RPTN: variants seen among roughly 807,000 people sequenced by gnomAD.
RPTN encodes repetin, also known as intermediate filament-associated protein.
RPTN carries 4 observed loss-of-function variants against 3.6 expected under a neutral mutation model. That is an observed-to-expected ratio of 1.12 (90% confidence interval 0.55 to 2.55). The LOEUF is 2.55. RPTN is among the 30% of genes most tolerant of loss of function. RPTN has a pLI of 0.02. For missense variants in RPTN, 860 were observed against 916.7 expected (o/e 0.94, Z 0.80); for synonymous variants, 293 against 319.3 (o/e 0.92, Z 0.88).
rs1217107774 is a variant in RPTN, at chr1:152,155,595, G to A, written c.1504C>T (p.Pro502Ser). 6.3e-7 allele frequency: 1 copy of A among 1,576,864 alleles called. No individual in the cohort carries two copies. Among genetic ancestry groups the A allele is most frequent in the Admixed American group, 1.8e-5 (1 of 56,566 alleles). ...RQDQSYHYGQ[P>S]DGQGQSSHYG... The stretch of plus-strand genomic sequence containing the variant: ...TGGGAACTTTGGCCTTGTCCGTCTG[G>A]CTGACCATAATGATAACTCTGGTCT... The change falls in exon 3 of 3, where the codon CCA becomes TCA. Residue 502 changes from proline to serine, a missense_variant. Transcript: ENST00000316073.
rs747058434 is a variant in RPTN at position 152,156,279 on chromosome 1, A to G, written c.820T>C (p.Ser274Pro). ...QQKSGSYCGQ[S>P]ERLGQELGCG... ...CCTAATTCCTGACCTAGCCTCTCAG[A>G]CTGTCCACAATAAGAGCCTGATTTC... The change falls in exon 3 of 3, where the codon TCT becomes CCT. Residue 274 changes from serine (S) to proline (P), a missense_variant. Coordinates refer to ENST00000316073, the MANE Select transcript of RPTN (RefSeq NM_001122965.1). 1.2e-6 allele frequency: 2 copies of G among 1,614,196 alleles called. No homozygotes were observed. Among genetic ancestry groups the G allele is most frequent in the East Asian group, 2.2e-5 (1 of 44,880 alleles).
chr1:152,156,005 G>A lies in RPTN; in HGVS notation c.1094C>T (p.Ser365Phe). ...TTGTCTGTTTGGTTGACTGTAGTGG[G>A]AACCCTGGCCTTGTCTGTTTGTCTG... ...YDQTNRQGQG[S>F]HYSQPNRQGQ... The change falls in exon 3 of 3, where the codon TCC becomes TTC. Residue 365 changes from serine to phenylalanine, a missense_variant. By Grantham distance (155) the Ser-to-Phe change is radical. Coordinates refer to ENST00000316073, the MANE Select transcript of RPTN (RefSeq NM_001122965.1). 3 of 1,613,594 alleles carry A rather than the reference G, an allele frequency of 1.9e-6. No homozygotes were observed. Among genetic ancestry groups the A allele is most frequent in the Non-Finnish European group, 2.5e-6 (3 of 1,180,008 alleles).
rs1287338617 is a variant in RPTN, at chr1:152,155,014, C to G, written c.2085G>C (p.Gln695His). The G allele has an allele frequency of 6.2e-7, 1 of 1,613,878 alleles. No homozygotes were observed. Among genetic ancestry groups the G allele is most frequent in the Admixed American group, 1.7e-5 (1 of 60,004 alleles). The stretch of plus-strand genomic sequence containing the variant: ...AGTGGCTCAGCCCCTCACCATGACT[C>G]TGCCTGGTCTGGGCCTGTCTGTGGC... ...EQGHRQAQTR[Q>H]SHGEGLSHWA... is the part of the protein sequence containing the mutation. Residue 695 changes from glutamine to histidine, a missense_variant, in exon 3 of 3, where the codon CAG (glutamine) becomes CAC (histidine). Coordinates refer to ENST00000316073, the MANE Select transcript of RPTN (RefSeq NM_001122965.1).
chr1:152,155,139 C>A lies in RPTN; in HGVS notation c.1960G>T (p.Asp654Tyr). The A allele has an allele frequency of 6.2e-7, 1 of 1,614,172 alleles. No individual in the cohort carries two copies. The highest frequency in any genetic ancestry group is 2.2e-5 in the East Asian group (1 of 44,882). ...AGTTTGTGTTGGTGATGTTGGCTAT[C>A]CTCTTCAGGCTCCCATACCTGGTGG... ...NGHQVWEPEE[D>Y]SQHHQHKLLA... Residue 654 changes from aspartate (D) to tyrosine (Y), a missense_variant, in exon 3 of 3, where the codon GAT (aspartate) becomes TAT (tyrosine). By Grantham distance (160) the Asp-to-Tyr change is radical. Transcript: ENST00000316073.
rs762380946 is a variant in RPTN, at chr1:152,156,860, T to G, written c.239A>C (p.Gln80Pro). The G allele has an allele frequency of 1.9e-6, 3 of 1,614,100 alleles. No individual in the cohort carries two copies. Among genetic ancestry groups the G allele is most frequent in the Non-Finnish European group, 2.5e-6 (3 of 1,180,028 alleles). The change falls in exon 3 of 3, where the codon CAG becomes CCG. Residue 80 changes from glutamine to proline, a missense_variant. By Grantham distance (76) the Gln-to-Pro change is moderately conservative (BLOSUM62 -1). Transcript: ENST00000316073. The stretch of plus-strand genomic sequence containing the variant: ...CTTATGATAGCAGGCTTGGACCAAC[T>G]GGAACACCAACAAGAGGTACTCATG... ...DFHEYLLLVF[Q>P]LVQACYHKLD...
chr1:152,158,296 C>T (rs570514222), intron 1 of RPTN, among the ~76,000 whole-genome samples: 15 of 152,238 alleles, frequency 9.9e-5, no homozygotes, highest in South Asian at 2.1e-4. Context: ...GCATAATTTT[C>T]GACTAACAAC....
chr1:152,155,442 G>T lies in RPTN; in HGVS notation c.1657C>A (p.Gln553Lys). 5 of 1,613,458 alleles carry T rather than the reference G, an allele frequency of 3.1e-6. No homozygotes were observed. Among genetic ancestry groups the T allele is most frequent in the Non-Finnish European group, 4.2e-6 (5 of 1,179,808 alleles). ...QSSHYGQTDR[Q>K]GQSSHYGQTD... The stretch of plus-strand genomic sequence containing the variant: ...TGACCGTAGTGGGAACTCTGGCCTT[G>T]TCTGTCTGTCTGACCATAGTGGGAA... The change falls in exon 3 of 3, where the codon CAA becomes AAA. Residue 553 changes from glutamine to lysine, a missense_variant. Transcript: ENST00000316073.
rs375674338 is a variant in RPTN, at chr1:152,157,870, C to A, written c.20G>T (p.Ser7Ile). Residue 7 changes from serine (S) to isoleucine (I), a missense_variant, in exon 2 of 3, where the codon AGC (serine) becomes ATC (isoleucine). Transcript: ENST00000316073. MAQLLNSILSVIDVFHK... is the reference protein window; with the variant it reads MAQLLNIILSVIDVFHK... ...GAATACGTCAATCACACTGAGTATG[C>A]TATTCAGGAGTTGAGCCATTTTGAC... 20 of 1,613,700 alleles carry A rather than the reference C, an allele frequency of 1.2e-5. No homozygotes were observed. The highest frequency in any genetic ancestry group is 1.6e-5 in the Non-Finnish European group (19 of 1,179,830).
At position 152,155,747 on chromosome 1, in the gene RPTN, T is replaced by C. The variant is rs556217414; in HGVS notation, c.1352A>G (p.Tyr451Cys). The part of the protein sequence containing the change: ...QPDRQGQNSH[Y>C]GQTDRQGQSS... ...CTGGCCTTGTCTGTCTGTCTGACCA[T>C]AGTGGGAATTCTGGCCTTGTCTGTC... Residue 451 changes from tyrosine (Y) to cysteine (C), a missense_variant, in exon 3 of 3, where the codon TAT (tyrosine) becomes TGT (cysteine). Coordinates refer to ENST00000316073, the MANE Select transcript of RPTN (RefSeq NM_001122965.1). 100 of 1,591,312 alleles carry C rather than the reference T, an allele frequency of 6.3e-5. No homozygotes were observed. The African/African-American group carries it at 1.0e-3, about 17-fold the overall frequency.
At position 152,156,544 on chromosome 1, in the gene RPTN, A is replaced by G. The variant is rs751901079; in HGVS notation, c.555T>C (p.Ser185=). The G allele has an allele frequency of 2.5e-6, 4 of 1,614,052 alleles. No individual in the cohort carries two copies. The South Asian group carries it at 4.4e-5, about 18-fold the overall frequency. The change falls in exon 3 of 3, where the codon TCT becomes TCC. Residue 185 remains serine, a synonymous_variant. Coordinates refer to ENST00000316073, the MANE Select transcript of RPTN (RefSeq NM_001122965.1). ...RQDRDSHHNQ[S]ERQDKDFSFD... is the part of the protein sequence containing the mutation. Reference sequence around the variant, plus strand: ...AGCTGAAATCCTTGTCTTGTCTCTCAGACTGATTGTGGTGAGAATCTCTGT... The same window carrying G: ...AGCTGAAATCCTTGTCTTGTCTCTCGGACTGATTGTGGTGAGAATCTCTGT...
rs1421788167 is a variant in RPTN, at chr1:152,155,910, G to A, written c.1189C>T (p.Gln397Ter). 1 of 1,613,860 alleles carries A rather than the reference G, an allele frequency of 6.2e-7. No homozygotes were observed. The highest frequency in any genetic ancestry group is 8.5e-7 in the Non-Finnish European group (1 of 1,179,932). ...TGACCATAGTGAGAACTTTGGTCTTGTCTGTCTGTCTGACCATAGTGAGAA... is the reference window on the plus strand; with the variant it reads ...TGACCATAGTGAGAACTTTGGTCTTATCTGTCTGTCTGACCATAGTGAGAA... ...QSSHYGQTDR[Q>*]DQSSHYGQTE... is the part of the protein sequence containing the mutation. Residue 397 changes from glutamine to a stop codon, truncating the protein, a stop_gained, in exon 3 of 3, where the codon CAA becomes TAA. Transcript: ENST00000316073. LOFTEE classifies it low-confidence loss of function (END_TRUNC).
Position 152,156,541 on chromosome 1 carries a change from C to G in RPTN, c.558G>C (p.Glu186Asp). ...CAAAGCTGAAATCCTTGTCTTGTCT[C>G]TCAGACTGATTGTGGTGAGAATCTC... ...QDRDSHHNQSERQDKDFSFDQ... is the reference protein window; with the variant it reads ...QDRDSHHNQSDRQDKDFSFDQ... The change falls in exon 3 of 3, where the codon GAG becomes GAC. Residue 186 changes from glutamate to aspartate, a missense_variant. Glu to Asp is a conservative substitution (Grantham distance 45). Coordinates refer to ENST00000316073, the MANE Select transcript of RPTN (RefSeq NM_001122965.1). 6.2e-7 allele frequency: 1 copy of G among 1,614,220 alleles called. No individual in the cohort carries two copies.
chr1:152,155,981 T>C lies in RPTN; in HGVS notation c.1118A>G (p.Gln373Arg), dbSNP rs574189458. 2.2e-5 allele frequency: 36 copies of C among 1,613,790 alleles called. No homozygotes were observed. Among genetic ancestry groups the C allele is most frequent in the Non-Finnish European group, 2.9e-5 (34 of 1,180,038 alleles). The change falls in exon 3 of 3, where the codon CAA (glutamine) becomes CGA (arginine). Residue 373 changes from glutamine to arginine, a missense_variant. By Grantham distance (43) the Gln-to-Arg change is conservative. Transcript: ENST00000316073. ...CTGACCATAGTGGGAACTCTGACCTTGTCTGTTTGGTTGACTGTAGTGGGA... is the reference window on the plus strand; with the variant it reads ...CTGACCATAGTGGGAACTCTGACCTCGTCTGTTTGGTTGACTGTAGTGGGA... Reference protein sequence around the residue: ...QGSHYSQPNRQGQSSHYGQPD... With the variant: ...QGSHYSQPNRRGQSSHYGQPD...
intron 1 of RPTN, among the ~76,000 whole-genome samples, 185 bp downstream of exon 1, chr1:152,158,999 T>C (rs756719092): frequency 6.6e-5 from 10 of 152,192 alleles, no homozygotes; most frequent in Non-Finnish European, 1.5e-4. Context: ...ATTTGCATTT[T>C]ACAGACACAG....
chr1:152,157,696 A>T, intron 2 of RPTN, 56 bp downstream of exon 2: 1 of 1,593,182 alleles, frequency 6.3e-7, no homozygotes, highest in Non-Finnish European at 8.6e-7. Flanking sequence ...ACCCTGGTGC[A>T]GGTGTCAGAG....
At position 152,156,537 on chromosome 1, in the gene RPTN, G is replaced by A; in HGVS notation, c.562C>T (p.Gln188Ter). The stretch of plus-strand genomic sequence containing the variant: ...TGATCAAAGCTGAAATCCTTGTCTT[G>A]TCTCTCAGACTGATTGTGGTGAGAA... ...RDSHHNQSER[Q>*]DKDFSFDQSE... Residue 188 changes from glutamine to a stop codon, truncating the protein, a stop_gained, in exon 3 of 3, where the codon CAA becomes TAA. Transcript: ENST00000316073. LOFTEE classifies it low-confidence loss of function (END_TRUNC). The A allele has an allele frequency of 6.2e-7, 1 of 1,614,186 alleles. No homozygotes were observed. The highest frequency in any genetic ancestry group is 8.5e-7 in the Non-Finnish European group (1 of 1,180,040).
chr1:152,158,048 G>A (rs746441603), intron 1 of RPTN, 139 bp from the exon 2 acceptor site: 3 of 648,102 alleles, frequency 4.6e-6, no homozygotes, highest in Non-Finnish European at 7.9e-6. Context: ...CCCCTTCCTT[G>A]CCCTGACTCA....
At chr1:152,157,218 A>T (rs894355558) in intron 2 of RPTN, among the ~76,000 whole-genome samples, 10 of 152,172 alleles carry the variant, frequency 6.6e-5, no homozygotes, top group African/African-American at 2.4e-4. Context: ...AATTTGATTC[A>T]TTTCAAAGTT....
Position 152,155,425 on chromosome 1 carries a change from G to A in RPTN, c.1674C>T (p.His558=), listed in dbSNP as rs750162551. 8.1e-6 allele frequency: 13 copies of A among 1,613,866 alleles called. No individual in the cohort carries two copies. The highest frequency in any genetic ancestry group is 1.7e-5 in the Admixed American group (1 of 59,972). The part of the protein sequence containing the change: ...GQTDRQGQSS[H]YGQTDRQGQS... Reference sequence around the variant, plus strand: ...GGCCTTGTCTGTCTGTCTGACCGTAGTGGGAACTCTGGCCTTGTCTGTCTG... The same window carrying A: ...GGCCTTGTCTGTCTGTCTGACCGTAATGGGAACTCTGGCCTTGTCTGTCTG... The change falls in exon 3 of 3, where the codon CAC becomes CAT. Residue 558 remains histidine (H), a synonymous_variant. Coordinates refer to ENST00000316073, the MANE Select transcript of RPTN (RefSeq NM_001122965.1).
Sources: allele counts gnomAD v4.1 joint callset (sites outside exome capture counted in the v4.1 genomes callset), GRCh38; gene constraint gnomAD v4.1.1; transcripts MANE v1.5; gene names NCBI Gene and HGNC (gene_info 2026-07-23, HGNC 2026-07-21).